Variants in RYR2 observed in about 807,000 individuals in gnomAD.
The protein encoded by RYR2 is ryanodine receptor 2.
RYR2 carries 227 observed loss-of-function variants against 601.1 expected under a neutral mutation model. The ratio of observed to expected loss-of-function variants is 0.38; its 90% CI spans 0.34 to 0.42. The LOEUF (loss-of-function observed/expected upper bound fraction) is 0.42, where lower values mean the gene tolerates loss of function less well. RYR2 is among the 10% of genes least tolerant of loss of function. The pLI, the probability that RYR2 is intolerant of heterozygous loss-of-function variation, is 1.00. For synonymous variants in RYR2, 2,223 were observed against 2,175.1 expected, an observed-to-expected ratio of 1.02 and a Z score of -0.61; for missense variants, 4,646 against 6,156.5, an observed-to-expected ratio of 0.75 and a Z score of 8.21.
intron 2 of RYR2, among the ~76,000 whole-genome samples, chr1:237,329,978 G>A (rs901045436): frequency 7.9e-5 from 12 of 152,280 alleles, no homozygotes; most frequent in East Asian, 3.9e-4. Context: ...CAAAGTAATC[G>A]CTACTTTGTG....
intron 48 of RYR2, among the ~76,000 whole-genome samples, chr1:237,646,046 C>T (rs1682109446): frequency 6.6e-6 from 1 of 151,656 alleles, no homozygotes; most frequent in Admixed American, 6.6e-5. Context: ...CCGGCTAATT[C>T]TTTTGTATTT....
intron 2 of RYR2, among the ~76,000 whole-genome samples, chr1:237,271,431 T>C (rs1453172106): frequency 6.6e-6 from 1 of 152,246 alleles, no homozygotes; most frequent in Non-Finnish European, 1.5e-5. Context: ...TAATTATTCC[T>C]GATTCCTAAT....
chr1:237,427,506 A>AT (rs1706293784), intron 12 of RYR2, among the ~76,000 whole-genome samples: 1 of 152,058 alleles, frequency 6.6e-6, no homozygotes, highest in Non-Finnish European at 1.5e-5. Flanking sequence ...GAAAATACAA[A>AT]CAGGCCAGGT....
rs1682110469 is a variant in RYR2 at position 237,646,049 on chromosome 1, T to G, written c.7343-2395T>G. Among the ~76,000 whole-genome samples, 2 of 152,116 alleles carry G rather than the reference T, an allele frequency of 1.3e-5. 1 individual carries two copies. The highest frequency in any genetic ancestry group is 3.9e-4 in the East Asian group (2 of 5,112). Reference sequence around the variant, plus strand: ...CCGCCACTATGCCCGGCTAATTCTTTTGTATTTTTCGTAGACACGGGGTTT... The same window carrying G: ...CCGCCACTATGCCCGGCTAATTCTTGTGTATTTTTCGTAGACACGGGGTTT... On this transcript the variant is annotated intron_variant, in intron 48 of 104. Transcript: ENST00000366574.
rs746133377 is a variant in RYR2, at chr1:237,546,993, A to ATATATATATATATATATATT, written c.2907-1435_2907-1434insATATATATATATATATTTAT. On this transcript the variant is annotated intron_variant, in intron 25 of 104. Transcript: ENST00000366574. Reference sequence around the variant, plus strand: ...TTCAAAAGCATATATATATATATATATATTTATTTATTTATTTATTTATTT... The same window carrying ATATATATATATATATATATT: ...TTCAAAAGCATATATATATATATATATATATATATATATATATATTTATTTATTTATTTATTTATTTATTT... Among the ~76,000 whole-genome samples, 510 of 127,264 alleles carry ATATATATATATATATATATT rather than the reference A, an allele frequency of 4.0e-3. 4 individuals carry two copies. Among genetic ancestry groups the ATATATATATATATATATATT allele is most frequent in the Admixed American group, 0.013 (149 of 11,724 alleles). The allele number at this position is 127,264 out of a possible 152,430, so 83.5% of individuals were successfully genotyped here. A position where few individuals can be genotyped will look rare whatever the true frequency, so the allele number is the denominator to read the frequency against.
At chr1:237,408,302 G>A (rs575599262) in intron 10 of RYR2, among the ~76,000 whole-genome samples, 3 of 151,150 alleles carry the variant, frequency 2.0e-5, no homozygotes, top group African/African-American at 7.3e-5. Flanking sequence ...AGCACTGTTT[G>A]TTGAAAAGAC....
At chr1:237,759,724 C>T in intron 82 of RYR2, 52 bp from the exon 83 acceptor site, 1 of 1,089,054 alleles carries the variant, frequency 9.2e-7, no homozygotes. Flanking sequence ...ATTTATTTAA[C>T]AAACAATAAG....
intron 16 of RYR2, among the ~76,000 whole-genome samples, chr1:237,459,015 C>T (rs1215088053): frequency 1.3e-5 from 2 of 152,116 alleles, no homozygotes; most frequent in Non-Finnish European, 1.5e-5. Context: ...GATATTGAGG[C>T]TTTATAGGAA....
intron 1 of RYR2, among the ~76,000 whole-genome samples, chr1:237,083,338 T>G (rs997849101): frequency 2.0e-5 from 3 of 152,164 alleles, no homozygotes; most frequent in African/African-American, 7.2e-5. Context: ...ATCTGGTATG[T>G]GCTTAGTGGT....
intron 101 of RYR2, among the ~76,000 whole-genome samples, chr1:237,823,772 A>T (rs555805987): frequency 2.0e-5 from 3 of 152,178 alleles, no homozygotes; most frequent in Non-Finnish European, 4.4e-5. Context: ...AACAAAATAG[A>T]CAGACTGCTA....
At chr1:237,828,766 G>T (rs1162409793) in intron 102 of RYR2, among the ~76,000 whole-genome samples, 1 of 152,130 alleles carries the variant, frequency 6.6e-6, no homozygotes, top group Non-Finnish European at 1.5e-5. Context: ...AGTCCTTTAT[G>T]GGAGTAAAGC....
At chr1:237,470,154 TTGAAG>T (rs1310357048) in intron 17 of RYR2, among the ~76,000 whole-genome samples, 1 of 152,332 alleles carries the variant, frequency 6.6e-6, no homozygotes, top group East Asian at 1.9e-4. Flanking sequence ...AATGAACTTC[TTGAAG>T]ATAGGGGCAT....
At chr1:237,820,368 G>A (rs1034713677) in intron 101 of RYR2, among the ~76,000 whole-genome samples, 2 of 152,154 alleles carry the variant, frequency 1.3e-5, no homozygotes, top group African/African-American at 4.8e-5. Flanking sequence ...GCAGCCCACA[G>A]AGGGTGAGCA....
intron 1 of RYR2, among the ~76,000 whole-genome samples, chr1:237,254,848 CTTGCT>C: frequency 6.6e-6 from 1 of 152,330 alleles, no homozygotes; most frequent in African/African-American, 2.4e-5. Flanking sequence ...CTGTCTGGCA[CTTGCT>C]TTCATCTCTG....
chr1:237,778,367 T>C (rs899699001), intron 87 of RYR2, among the ~76,000 whole-genome samples: 3 of 146,448 alleles, frequency 2.0e-5, no homozygotes, highest in East Asian at 2.0e-4. Flanking sequence ...TTATTTTTTT[T>C]CCTCTAAATA....
chr1:237,782,177 G>GC (rs1491037224), intron 89 of RYR2, among the ~76,000 whole-genome samples: 1 of 108,936 alleles, frequency 9.2e-6, no homozygotes, highest in Non-Finnish European at 1.8e-5. Flanking sequence ...TTTTGTTATT[G>GC]CTTTTTTTTT....
chr1:237,222,156 T>G (rs891166562), intron 1 of RYR2, among the ~76,000 whole-genome samples: 5 of 152,274 alleles, frequency 3.3e-5, no homozygotes, highest in Non-Finnish European at 4.4e-5. Flanking sequence ...GGCTCACACC[T>G]GTAATCCCAG....
intron 1 of RYR2, among the ~76,000 whole-genome samples, chr1:237,100,243 G>A (rs972079088): frequency 6.6e-6 from 1 of 152,124 alleles, no homozygotes; most frequent in Non-Finnish European, 1.5e-5. Flanking sequence ...ATTTCCTTCC[G>A]TCACCTACAC....
At chr1:237,429,503 T>C (rs1486535661) in intron 12 of RYR2, among the ~76,000 whole-genome samples, 11 of 152,132 alleles carry the variant, frequency 7.2e-5, no homozygotes. Flanking sequence ...CTCACCCAGC[T>C]AAAGTGTCAC....
Sources: allele counts gnomAD v4.1 joint callset (sites outside exome capture counted in the v4.1 genomes callset), GRCh38; gene constraint gnomAD v4.1.1; transcripts MANE v1.5; gene names NCBI Gene and HGNC (gene_info 2026-07-23, HGNC 2026-07-21).